DMD: variants seen among roughly 807,000 people sequenced by gnomAD.
DMD encodes the protein dystrophin.
Under a neutral mutation model 330.1 loss-of-function variants are expected in DMD, and 63 were observed. That is an observed-to-expected ratio of 0.19 (90% confidence interval 0.16 to 0.24). The LOEUF (loss-of-function observed/expected upper bound fraction) is 0.24, where lower values mean the gene tolerates loss of function less well. Among genes scored for constraint, DMD ranks in the 10% least tolerant of loss-of-function variants. The probability of loss-of-function intolerance (pLI) is 1.00; values close to 1 mark genes in which losing one functional copy is unlikely to be tolerated. For missense variants in DMD, 3,344 were observed against 2,684.1 expected (o/e 1.25, Z -5.43); for synonymous variants, 1,223 against 959.8 (o/e 1.27, Z -5.07).
intron 1 of DMD, among the ~76,000 whole-genome samples, chrX:33,273,660 ATGC>A (rs1259245986): frequency 8.9e-6 from 1 of 112,474 alleles, no homozygotes; most frequent in East Asian, 2.8e-4. Context: ...CAATTAGCAT[ATGC>A]TGTATTGTGG....
intron 1 of DMD, among the ~76,000 whole-genome samples, chrX:33,045,247 G>A (rs1357232536): frequency 1.8e-5 from 2 of 109,000 alleles, no homozygotes; most frequent in Non-Finnish European, 3.8e-5. Flanking sequence ...CACATGTTGA[G>A]AATCATAATA....
At chrX:32,125,425 CG>C (rs951007935) in intron 44 of DMD, among the ~76,000 whole-genome samples, 3 of 111,391 alleles carry the variant, frequency 2.7e-5, no homozygotes, top group African/African-American at 9.8e-5. Flanking sequence ...GGATGTGTAT[CG>C]GGTTTGAAGG....
At chrX:31,396,384 G>C (rs1017807905) in intron 60 of DMD, among the ~76,000 whole-genome samples, 1 of 109,579 alleles carries the variant, frequency 9.1e-6, no homozygotes, top group African/African-American at 3.3e-5. Context: ...TGATCCGCCC[G>C]CCTCGGCCTC....
At chrX:32,282,692 G>A (rs1182458074) in intron 43 of DMD, among the ~76,000 whole-genome samples, 1 of 112,133 alleles carries the variant, frequency 8.9e-6, no homozygotes, top group Non-Finnish European at 1.9e-5. Context: ...CTCATCTAAA[G>A]CGTAATGTCT....
chrX:32,366,445 T>C (rs2097854836), intron 34 of DMD, among the ~76,000 whole-genome samples: 1 of 112,222 alleles, frequency 8.9e-6, no homozygotes, highest in African/African-American at 3.2e-5. Context: ...GATGTCTTAA[T>C]CACAGAAAGC....
At chrX:32,730,566 A>G (rs1175562555) in intron 7 of DMD, among the ~76,000 whole-genome samples, 1 of 111,971 alleles carries the variant, frequency 8.9e-6, no homozygotes, top group Non-Finnish European at 1.9e-5. Context: ...TTTTGGAAAT[A>G]GTAAGATGTT....
intron 60 of DMD, among the ~76,000 whole-genome samples, chrX:31,421,900 T>TATAC (rs1410695571): frequency 1.2e-5 from 1 of 85,184 alleles, no homozygotes; most frequent in South Asian, 5.5e-4. Flanking sequence ...TATATATATA[T>TATAC]ACACACACAC....
At chrX:31,835,498 T>C (rs1422963030) in intron 49 of DMD, among the ~76,000 whole-genome samples, 1 of 111,866 alleles carries the variant, frequency 8.9e-6, no homozygotes, top group East Asian at 2.8e-4. Context: ...GAAAAATGAT[T>C]ATACTGGGCT....
chrX:31,125,301 A>C (rs767266759), intron 78 of DMD, among the ~76,000 whole-genome samples: 1 of 112,004 alleles, frequency 8.9e-6, no homozygotes, highest in African/African-American at 3.2e-5. Context: ...AGGTTTCCTC[A>C]ATTTCTCCTC....
chrX:31,163,287 C>A (rs772936552), intron 74 of DMD, among the ~76,000 whole-genome samples: 1 of 111,398 alleles, frequency 9.0e-6, no homozygotes, highest in East Asian at 2.8e-4. Flanking sequence ...CTCATGAGAT[C>A]TGATGGTTTT....
intron 17 of DMD, among the ~76,000 whole-genome samples, chrX:32,528,751 T>A (rs1007368905): frequency 9.0e-6 from 1 of 110,635 alleles, no homozygotes; most frequent in Non-Finnish European, 1.9e-5. Flanking sequence ...ATCCACAATG[T>A]CTTATCTCAA....
At chrX:32,714,902 G>T (rs1348881042) in intron 7 of DMD, among the ~76,000 whole-genome samples, 2 of 111,253 alleles carry the variant, frequency 1.8e-5, no homozygotes, top group East Asian at 5.6e-4. Context: ...AAACCATAAT[G>T]AAAGAAATTA....
At chrX:31,842,112 A>G (rs1393286017) in intron 48 of DMD, among the ~76,000 whole-genome samples, 1 of 111,806 alleles carries the variant, frequency 8.9e-6, no homozygotes, top group Non-Finnish European at 1.9e-5. Context: ...CAACATTACA[A>G]GGTGTTTGGA....
intron 42 of DMD, among the ~76,000 whole-genome samples, chrX:32,298,972 G>A (rs958084978): frequency 9.0e-6 from 1 of 111,348 alleles, no homozygotes; most frequent in East Asian, 2.8e-4. Flanking sequence ...TCTTGGTTCT[G>A]TTGCCATGGT....
intron 51 of DMD, among the ~76,000 whole-genome samples, chrX:31,765,431 A>G (rs2089929014): frequency 9.0e-6 from 1 of 111,670 alleles, no homozygotes; most frequent in Non-Finnish European, 1.9e-5. Flanking sequence ...AGCAGATAAC[A>G]CTGATGCCTT....
chrX:33,038,774 C>T (rs745585794), intron 1 of DMD, among the ~76,000 whole-genome samples: 3 of 111,578 alleles, frequency 2.7e-5, no homozygotes, highest in African/African-American at 9.8e-5. Context: ...GGGTGAATCA[C>T]TTGAGGTCAG....
At chrX:31,620,154 G>T (rs1264799613) in intron 55 of DMD, among the ~76,000 whole-genome samples, 1 of 111,658 alleles carries the variant, frequency 9.0e-6, no homozygotes, top group Non-Finnish European at 1.9e-5. Context: ...GAGTATTCCT[G>T]AGCATTATAG....
intron 57 of DMD, among the ~76,000 whole-genome samples, chrX:31,491,449 T>A (rs1290762166): frequency 8.9e-6 from 1 of 112,093 alleles, no homozygotes; most frequent in Non-Finnish European, 1.9e-5. Flanking sequence ...TGAAAACGAG[T>A]CAGTCTAGTG....
intron 41 of DMD, among the ~76,000 whole-genome samples, chrX:32,326,751 A>T (rs1249174730): frequency 1.8e-5 from 2 of 110,140 alleles, no homozygotes; most frequent in Non-Finnish European, 3.8e-5. Context: ...CTAAAAAAAT[A>T]AAAAAATTAG....
Sources: allele counts gnomAD v4.1 joint callset (sites outside exome capture counted in the v4.1 genomes callset), GRCh38; gene constraint gnomAD v4.1.1; transcripts MANE v1.5; gene names NCBI Gene and HGNC (gene_info 2026-07-23, HGNC 2026-07-21).